Variants in TGIF1 observed in about 807,000 individuals in gnomAD.
TGIF1 encodes TGFB induced factor homeobox 1.
A neutral mutation model predicts 19.3 loss-of-function variants in TGIF1; 4 were observed. That is an observed-to-expected ratio of 0.21 (90% CI 0.10 to 0.47). The LOEUF is 0.47. Ranked by LOEUF, TGIF1 falls within the 20% of genes least tolerant of loss-of-function variation. TGIF1 has a pLI of 0.98. For missense variants in TGIF1, 275 were observed against 341.4 expected, an observed-to-expected ratio of 0.81 and a Z score of 1.53; for synonymous variants, 122 against 129.3, an observed-to-expected ratio of 0.94 and a Z score of 0.38.
At chr18:3,452,034 G>A (rs1442698136) in intron 1 of TGIF1, 2 of 1,612,248 alleles carry the variant, frequency 1.2e-6, no homozygotes, top group Non-Finnish European at 1.7e-6. Flanking sequence ...GCATTGTTCG[G>A]GCTCCGGCGG....
chr18:3,415,283 G>A (rs1458988357), intron 1 of TGIF1: 1 of 269,760 alleles, frequency 3.7e-6, no homozygotes, highest in African/African-American at 2.2e-5. Flanking sequence ...CAAAACCAGA[G>A]GCAGAAAGCT....
intron 2 of TGIF1, among the ~76,000 whole-genome samples, chr18:3,431,955 C>G (rs1020482898): frequency 2.0e-5 from 3 of 151,900 alleles, no homozygotes; most frequent in Non-Finnish European, 2.9e-5. Flanking sequence ...CTGGTGAAAC[C>G]CCATCTCTAC....
At chr18:3,452,397 G>C (rs1460088607) in intron 1 of TGIF1, 1 of 1,613,168 alleles carries the variant, frequency 6.2e-7, no homozygotes, top group Non-Finnish European at 8.5e-7. Flanking sequence ...CGGGCTGAAG[G>C]GGAAACTTTG....
intron 1 of TGIF1, 48 bp downstream of exon 1, chr18:3,450,553 A>C: frequency 6.4e-7 from 1 of 1,552,954 alleles, no homozygotes; most frequent in Middle Eastern, 1.8e-4. Context: ...AGTCCGGGGA[A>C]ACGTGCTGGC....
chr18:3,452,714 G>C lies in TGIF1; in HGVS notation c.16+2209G>C, dbSNP rs115743331. On this transcript the variant is annotated intron_variant, in intron 1 of 2. Transcript: ENST00000343820. ...CGTCCTCCTCTAAAACTACCTGGGA[G>C]GGGGGAGCCTTCCCCGTCGGCTCTG... Among the ~76,000 whole-genome samples, 1,010 of 152,232 alleles carry C rather than the reference G, an allele frequency of 6.6e-3. 13 individuals carry two copies. The highest frequency in any genetic ancestry group is 0.023 in the African/African-American group (955 of 41,554).
chr18:3,452,556 T>G (rs935239291), intron 1 of TGIF1, among the ~76,000 whole-genome samples: 1 of 152,156 alleles, frequency 6.6e-6, no homozygotes, highest in Non-Finnish European at 1.5e-5. Context: ...TCTTGGGTCC[T>G]GGAGTTCCTT....
At chr18:3,434,638 C>T (rs551207623) in intron 2 of TGIF1, among the ~76,000 whole-genome samples, 1 of 152,194 alleles carries the variant, frequency 6.6e-6, no homozygotes, top group Non-Finnish European at 1.5e-5. Flanking sequence ...TCGCTTGAAC[C>T]CAAGAAGCGC....
chr18:3,448,616 A>G (rs573409905), upstream of TGIF1: 2,502 of 984,964 alleles, frequency 2.5e-3, 8 homozygotes, highest in Middle Eastern at 9.9e-3. Flanking sequence ...CTTCTTAGAG[A>G]GACGCTTTTT....
rs1362648010 is a variant in TGIF1 at position 3,456,130 on chromosome 18, G to A, written c.17-224G>A. 3.3e-6 allele frequency: 2 copies of A among 611,938 alleles called. No homozygotes were observed. Among genetic ancestry groups the A allele is most frequent in the Non-Finnish European group, 5.8e-6 (2 of 341,902 alleles). The allele number at this position is 611,938 out of a possible 1,614,324, so 37.9% of individuals were successfully genotyped here. A position where few individuals can be genotyped will look rare whatever the true frequency, so the allele number is the denominator to read the frequency against. On this transcript the variant is annotated intron_variant, in intron 1 of 2. Transcript: ENST00000343820. This position sits in a 1 kb window ranked among gnomAD's most constrained non-coding sequence, Gnocchi z 4.2. ...AGAAGTTAATGAATCCTAGAGGAAA[G>A]CGGCTGAGAAAAGGCATCTGGCATT...
chr18:3,447,858 GC>G (rs1411164586), upstream of TGIF1: 6 of 1,590,620 alleles, frequency 3.8e-6, no homozygotes, highest in South Asian at 6.6e-5. Context: ...AATTGTCTCC[GC>G]CCCTCCCCCC....
intron 1 of TGIF1, chr18:3,452,085 G>A: frequency 1.2e-6 from 2 of 1,613,916 alleles, no homozygotes; most frequent in Non-Finnish European, 1.7e-6. Flanking sequence ...CTCCCACCCC[G>A]GGAATCCCCA....
chr18:3,444,910 CA>C (rs1025157189), intron 2 of TGIF1, among the ~76,000 whole-genome samples: 23 of 152,066 alleles, frequency 1.5e-4, no homozygotes, highest in African/African-American at 5.1e-4. Context: ...GGTTCTGAAC[CA>C]GGGGTGATCC....
upstream of TGIF1, chr18:3,448,112 T>TC: frequency 4.1e-6 from 4 of 982,378 alleles, no homozygotes; most frequent in Non-Finnish European, 4.8e-6. Context: ...AAGGCGTGTT[T>TC]TGTGGAGTGG....
chr18:3,443,505 C>G (rs1300645127), intron 2 of TGIF1, among the ~76,000 whole-genome samples: 1 of 151,950 alleles, frequency 6.6e-6, no homozygotes, highest in Admixed American at 6.6e-5. Flanking sequence ...CTTCCAGGCT[C>G]TGCAGGCTCT....
At chr18:3,422,632 C>T (rs2082415250) in intron 2 of TGIF1, among the ~76,000 whole-genome samples, 1 of 150,330 alleles carries the variant, frequency 6.7e-6, no homozygotes, top group Non-Finnish European at 1.5e-5. Context: ...AACATTCAGT[C>T]CTGCAGGCTC....
chr18:3,452,515 G>A lies in TGIF1; in HGVS notation c.16+2010G>A, dbSNP rs956051443. The A allele has an allele frequency of 6.6e-6, 9 of 1,360,346 alleles. No homozygotes were observed. The African/African-American group carries it at 1.0e-4, about 15-fold the overall frequency. 84.3% of individuals were successfully genotyped at this position (1,360,346 alleles called of 1,614,324 possible). A position where few individuals can be genotyped will look rare whatever the true frequency, so the allele number is the denominator to read the frequency against. ...TCGTCTGGGGTGGGCAGGCCTCTGA[G>A]AAGGTGGGATTCACGGCCTCATTTC... On this transcript the variant is annotated intron_variant, in intron 1 of 2. Transcript: ENST00000343820.
chr18:3,438,602 C>CACACACAA (rs1019983394), intron 2 of TGIF1, among the ~76,000 whole-genome samples: 3 of 150,826 alleles, frequency 2.0e-5, no homozygotes, highest in African/African-American at 7.3e-5. Context: ...CACAAACACA[C>CACACACAA]ACACACACAC....
upstream of TGIF1, chr18:3,449,570 T>A (rs187397242): frequency 2.4e-3 from 1,434 of 597,996 alleles, 80 homozygotes; most frequent in East Asian, 0.22. Flanking sequence ...GACCTCCCAC[T>A]GTCGCTGCTG....
rs1432155143 is a variant in TGIF1, at chr18:3,458,503, AG to A, written c.*566del. On this transcript the variant is annotated 3_prime_UTR_variant, in exon 3 of 3. Coordinates refer to ENST00000343820, the MANE Select transcript of TGIF1 (RefSeq NM_003244.4). ...CCAGTGAGCAGGAAGCTGGGGGGGT[AG>A]GGTGCAGTGTTAGGGGGTGTCACCA... 6.1e-6 allele frequency: 1 copy of A among 163,206 alleles called. No homozygotes were observed. The highest frequency in any genetic ancestry group is 1.3e-5 in the Non-Finnish European group (1 of 75,186). 10.1% of individuals were successfully genotyped at this position (163,206 alleles called of 1,614,324 possible).
Sources: allele counts gnomAD v4.1 joint callset (sites outside exome capture counted in the v4.1 genomes callset), GRCh38; gene constraint gnomAD v4.1.1; non-coding constraint Gnocchi (gnomAD v3.1); transcripts MANE v1.5; gene names NCBI Gene and HGNC (gene_info 2026-07-23, HGNC 2026-07-21).